PRKG1: variants seen among roughly 807,000 people sequenced by gnomAD.
PRKG1 encodes protein kinase cGMP-dependent 1.
Under a neutral mutation model 88.1 loss-of-function variants are expected in PRKG1, and 35 were observed. The observed-to-expected ratio is 0.40, with a 90% confidence interval of 0.30 to 0.53. The LOEUF (loss-of-function observed/expected upper bound fraction) is 0.53, where lower values mean the gene tolerates loss of function less well. PRKG1 is among the 20% of genes least tolerant of loss of function. PRKG1 has a pLI of 0.59. For missense variants in PRKG1, 540 were observed against 839.8 expected (o/e 0.64, Z 4.41); for synonymous variants, 303 against 292.5 (o/e 1.04, Z -0.37).
At chr10:52,033,575 G>A (rs1845525584) in intron 5 of PRKG1, among the ~76,000 whole-genome samples, 2 of 152,244 alleles carry the variant, frequency 1.3e-5, no homozygotes. Flanking sequence ...TATGCAGGTT[G>A]AGCTACTGTA....
intron 2 of PRKG1, among the ~76,000 whole-genome samples, chr10:51,414,333 G>A (rs1268024948): frequency 6.6e-6 from 1 of 152,194 alleles, no homozygotes; most frequent in East Asian, 1.9e-4. Flanking sequence ...TCTGAAGAGA[G>A]GCAAAAATAA....
intron 3 of PRKG1, among the ~76,000 whole-genome samples, chr10:51,773,312 A>G (rs920684029): frequency 6.6e-6 from 1 of 152,132 alleles, no homozygotes; most frequent in African/African-American, 2.4e-5. Flanking sequence ...TATATAATTT[A>G]TAATGTAACT....
intron 3 of PRKG1, among the ~76,000 whole-genome samples, chr10:51,688,121 G>A (rs2132385103): frequency 6.6e-6 from 1 of 152,146 alleles, no homozygotes; most frequent in East Asian, 1.9e-4. Context: ...GCTTTTATTT[G>A]TTGTTGTCAT....
intron 3 of PRKG1, among the ~76,000 whole-genome samples, chr10:51,488,423 A>AT (rs1840607232): frequency 6.6e-6 from 1 of 152,172 alleles, no homozygotes; most frequent in Non-Finnish European, 1.5e-5. Context: ...GGTTCTTAGC[A>AT]TTGGAAGTGT....
intron 2 of PRKG1, among the ~76,000 whole-genome samples, chr10:51,191,628 C>T (rs371932361): frequency 7.3e-5 from 11 of 151,568 alleles, no homozygotes; most frequent in Admixed American, 1.3e-4. Context: ...CTTTTTAATG[C>T]CTTATCTTAT....
At chr10:51,642,569 T>A (rs1200418286) in intron 3 of PRKG1, among the ~76,000 whole-genome samples, 2 of 152,192 alleles carry the variant, frequency 1.3e-5, no homozygotes, top group African/African-American at 4.8e-5. Flanking sequence ...GACTGACTGG[T>A]AGAACACAGA....
At chr10:52,269,317 T>C (rs187441572) in intron 10 of PRKG1, among the ~76,000 whole-genome samples, 2 of 152,242 alleles carry the variant, frequency 1.3e-5, no homozygotes, top group Admixed American at 1.3e-4. Flanking sequence ...TTTGAGTTAC[T>C]ACTGAATTTA....
intron 5 of PRKG1, among the ~76,000 whole-genome samples, chr10:52,004,958 T>A (rs4935299): frequency 0.45 from 67,612 of 151,650 alleles, 15,376 homozygotes; most frequent in East Asian, 0.65. Context: ...ATATGATTTT[T>A]TAAAAATTTA....
intron 1 of PRKG1, among the ~76,000 whole-genome samples, chr10:51,149,600 AC>A (rs1191712068): frequency 6.6e-6 from 1 of 152,132 alleles, no homozygotes; most frequent in East Asian, 1.9e-4. Flanking sequence ...ATATTATACC[AC>A]CTCATGAAAT....
rs140722137 is a variant in PRKG1 at position 52,176,173 on chromosome 10, C to CTTTT, written c.1076+14228_1076+14231dup. 8.7e-3 allele frequency among the ~76,000 whole-genome samples: 830 copies of CTTTT among 95,566 alleles called. 1 individual carries two copies. Among genetic ancestry groups the CTTTT allele is most frequent in the East Asian group, 0.018 (51 of 2,904 alleles). The allele number at this position is 95,566 out of a possible 152,430, so 62.7% of individuals were successfully genotyped here. A position where few individuals can be genotyped will look rare whatever the true frequency, so the allele number is the denominator to read the frequency against. On this transcript the variant is annotated intron_variant, in intron 9 of 17. Coordinates refer to ENST00000373980, the MANE Select transcript of PRKG1 (RefSeq NM_006258.4). Reference sequence around the variant, plus strand: ...TCGATTTTGAGTTTTTTCTTTTTCTCTTTTTTTTTTTTTTTTTTTTTGTAG... The same window carrying CTTTT: ...TCGATTTTGAGTTTTTTCTTTTTCTCTTTTTTTTTTTTTTTTTTTTTTTTTGTAG...
intron 9 of PRKG1, among the ~76,000 whole-genome samples, chr10:52,213,673 G>C (rs1840039801): frequency 6.6e-6 from 1 of 152,166 alleles, no homozygotes; most frequent in Admixed American, 6.6e-5. Flanking sequence ...GAATGGGATA[G>C]TCACTACAGA....
At chr10:51,097,625 C>T (rs948798885) in intron 1 of PRKG1, among the ~76,000 whole-genome samples, 5 of 152,202 alleles carry the variant, frequency 3.3e-5, no homozygotes, top group Non-Finnish European at 7.4e-5. Context: ...ATCTCCTTTC[C>T]GTAGGGTTTT....
chr10:51,688,066 T>C (rs1841039956), intron 3 of PRKG1, among the ~76,000 whole-genome samples: 1 of 152,206 alleles, frequency 6.6e-6, no homozygotes, highest in Admixed American at 6.5e-5. Flanking sequence ...GCCATGTAGG[T>C]AAATTAAAAA....
intron 3 of PRKG1, among the ~76,000 whole-genome samples, chr10:51,474,376 T>C (rs905722084): frequency 7.2e-5 from 11 of 152,018 alleles, no homozygotes; most frequent in Admixed American, 6.6e-4. Flanking sequence ...CAAAAACTTA[T>C]ACAGCATGTT....
At chr10:51,287,112 A>G (rs1220410403) in intron 2 of PRKG1, among the ~76,000 whole-genome samples, 1 of 152,134 alleles carries the variant, frequency 6.6e-6, no homozygotes, top group African/African-American at 2.4e-5. Context: ...CCTTGTCTCA[A>G]GTGGTCTTCC....
At chr10:51,251,072 T>C (rs763725098) in intron 2 of PRKG1, among the ~76,000 whole-genome samples, 7 of 151,796 alleles carry the variant, frequency 4.6e-5, no homozygotes, top group Non-Finnish European at 7.4e-5. Flanking sequence ...AGGGATAGTT[T>C]TTCTGACTGC....
chr10:51,873,943 T>G (rs2132863350), intron 4 of PRKG1, among the ~76,000 whole-genome samples: 1 of 152,376 alleles, frequency 6.6e-6, no homozygotes, highest in African/African-American at 2.4e-5. Flanking sequence ...GTCCTCTATC[T>G]TGTTTATACT....
intron 3 of PRKG1, among the ~76,000 whole-genome samples, chr10:51,796,763 G>A (rs1000791505): frequency 9.2e-5 from 14 of 152,220 alleles, no homozygotes; most frequent in East Asian, 1.9e-4. Flanking sequence ...ACTCTCACCA[G>A]TGTGAGCAGG....
intron 2 of PRKG1, among the ~76,000 whole-genome samples, chr10:51,296,647 T>A (rs1840727485): frequency 6.6e-6 from 1 of 152,060 alleles, no homozygotes; most frequent in South Asian, 2.1e-4. Context: ...TGGATTTTTT[T>A]ATTGTTGTCT....
Sources: gnomAD v4.1 joint callset for allele counts (sites outside exome capture counted in the v4.1 genomes callset) on GRCh38, gnomAD v4.1.1 for gene constraint, MANE v1.5 for transcripts, NCBI Gene and HGNC (gene_info 2026-07-23, HGNC 2026-07-21) for gene names.